Variants in DOCK10 observed in about 807,000 individuals in gnomAD.
The protein encoded by DOCK10 is dedicator of cytokinesis 10.
In DOCK10, 145 loss-of-function variants were observed where a neutral mutation model predicts 280.1. The ratio of observed to expected loss-of-function variants is 0.52; its 90% CI spans 0.45 to 0.59. The LOEUF (loss-of-function observed/expected upper bound fraction) is 0.59. DOCK10 is among the 20% of genes least tolerant of loss of function. The pLI is 0.00. For missense variants in DOCK10, 2,368 were observed against 2,651.7 expected, an observed-to-expected ratio of 0.89 and a Z score of 2.35; for synonymous variants, 915 against 942.2, an observed-to-expected ratio of 0.97 and a Z score of 0.53.
At chr2:224,938,010 A>C (rs1486134657) in intron 1 of DOCK10, among the ~76,000 whole-genome samples, 2 of 152,198 alleles carry the variant, frequency 1.3e-5, no homozygotes, top group South Asian at 4.1e-4. Context: ...TGAGGACCGC[A>C]TATCTGGTAT....
At chr2:224,985,482 G>C (rs965785311) in intron 1 of DOCK10, among the ~76,000 whole-genome samples, 1 of 151,938 alleles carries the variant, frequency 6.6e-6, no homozygotes, top group South Asian at 2.1e-4. Context: ...AGAGATAGCC[G>C]TGTTGTGTAG....
intron 1 of DOCK10, among the ~76,000 whole-genome samples, chr2:224,974,589 C>A (rs1291890987): frequency 1.3e-5 from 2 of 151,460 alleles, no homozygotes; most frequent in Non-Finnish European, 2.9e-5. Flanking sequence ...AGAAACAAAA[C>A]CCCAAACAAG....
At chr2:224,817,718 C>T (rs1424785655) in intron 29 of DOCK10, among the ~76,000 whole-genome samples, 1 of 152,060 alleles carries the variant, frequency 6.6e-6, no homozygotes, top group Admixed American at 6.6e-5. Flanking sequence ...GAAGAATATA[C>T]TTTCAAAAAA....
intron 1 of DOCK10, among the ~76,000 whole-genome samples, chr2:224,951,503 T>A (rs192520899): frequency 1.4e-3 from 212 of 152,308 alleles, no homozygotes; most frequent in African/African-American, 4.9e-3. Flanking sequence ...GTTTGGAAAT[T>A]AAGTAAGATG....
In DOCK10 at chr2:224,825,817, G is replaced by A. The variant is rs1694806520; in HGVS notation, c.3037-2170C>T. On this transcript the variant is annotated intron_variant, in intron 27 of 55. Coordinates refer to ENST00000258390, the MANE Select transcript of DOCK10 (RefSeq NM_014689.3). ...TTGTGAATTTTTTGTCTCAGGAGAT[G>A]AAGGGAGTGAGATGGTGGCACACTT... Among the ~76,000 whole-genome samples, 3 of 152,312 alleles carry A rather than the reference G, an allele frequency of 2.0e-5. No homozygotes were observed. In the South Asian group the frequency reaches 6.2e-4, roughly 32 times the overall value.
Position 224,805,154 on chromosome 2 carries a change from T to A in DOCK10, c.4052-30A>T, listed in dbSNP as rs747704317. 13 of 1,603,206 alleles carry A rather than the reference T, an allele frequency of 8.1e-6. No homozygotes were observed. In the South Asian group the frequency reaches 1.4e-4, roughly 17 times the overall value. ...AAGGAAACACCAGGTAGTATGAGAA[T>A]CTGAAGGTTTTCTTTTTCCTTTTTT... On this transcript the variant is annotated intron_variant, in intron 36 of 55. Coordinates refer to ENST00000258390, the MANE Select transcript of DOCK10 (RefSeq NM_014689.3). This position sits in a 1 kb window ranked among gnomAD's most constrained non-coding sequence, Gnocchi z 4.3.
Position 224,770,194 on chromosome 2 carries a change from C to T in DOCK10, c.6444+17G>A. On this transcript the variant is annotated intron_variant, in intron 55 of 55. Transcript: ENST00000258390. The surrounding 1 kb of genome is among the most constrained non-coding windows in gnomAD (Gnocchi z 4.5). Reference sequence around the variant, plus strand: ...TTTCTGTCCACTGATAGCGCGTGTGCACCAAGGAGCGCTCACCTGCTCATT... The same window carrying T: ...TTTCTGTCCACTGATAGCGCGTGTGTACCAAGGAGCGCTCACCTGCTCATT... 6.5e-7 allele frequency: 1 copy of T among 1,533,444 alleles called. No homozygotes were observed. Among genetic ancestry groups the T allele is most frequent in the East Asian group, 2.3e-5 (1 of 43,288 alleles). The allele number at this position is 1,533,444 out of a possible 1,614,324, so 95.0% of individuals were successfully genotyped here.
At chr2:225,041,748 C>T (rs1329133037) in intron 1 of DOCK10, among the ~76,000 whole-genome samples, 14 of 152,252 alleles carry the variant, frequency 9.2e-5, no homozygotes, top group African/African-American at 3.4e-4. Flanking sequence ...CGATAGTTAA[C>T]GTCGGGGGGC....
At chr2:224,911,010 G>GA (rs1407311578) in intron 3 of DOCK10, among the ~76,000 whole-genome samples, 3 of 151,020 alleles carry the variant, frequency 2.0e-5, no homozygotes, top group African/African-American at 2.4e-5. Context: ...ATACAGTTGA[G>GA]AAAAAATATG....
chr2:224,972,503 C>T (rs754150406), intron 1 of DOCK10, among the ~76,000 whole-genome samples: 19 of 152,232 alleles, frequency 1.2e-4, no homozygotes, highest in Non-Finnish European at 2.4e-4. Context: ...ATTTTGCATT[C>T]TTAAGTTTCT....
chr2:224,884,494 T>G (rs1699162795), intron 7 of DOCK10, among the ~76,000 whole-genome samples: 1 of 152,210 alleles, frequency 6.6e-6, no homozygotes. Flanking sequence ...CTCCCATGAT[T>G]ACATAAAAGG....
chr2:224,804,129 T>A lies in DOCK10; in HGVS notation c.4251A>T (p.Ser1417=), dbSNP rs373132469. The A allele has an allele frequency of 1.3e-5, 21 of 1,609,686 alleles. No individual in the cohort carries two copies. The Admixed American group carries it at 1.7e-4, about 13-fold the overall frequency. The change falls in exon 39 of 56, where the codon TCA becomes TCT. Residue 1417 remains serine (S), a synonymous_variant. Coordinates refer to ENST00000258390, the MANE Select transcript of DOCK10 (RefSeq NM_014689.3). The part of the protein sequence containing the change: ...LKGSNPSCQT[S]GLLSQWMHST... ...GACATTACCATTGTGACAAGAGACCTGATGTCTGGCAGGAAGGATTGGATC... is the reference window on the plus strand; with the variant it reads ...GACATTACCATTGTGACAAGAGACCAGATGTCTGGCAGGAAGGATTGGATC...
At chr2:224,824,918 T>C (rs1216544099) in intron 27 of DOCK10, among the ~76,000 whole-genome samples, 4 of 151,826 alleles carry the variant, frequency 2.6e-5, no homozygotes, top group Non-Finnish European at 4.4e-5. Flanking sequence ...ACAGGAGTTG[T>C]ATGAAACAGA....
intron 50 of DOCK10, among the ~76,000 whole-genome samples, chr2:224,778,751 G>C (rs1010407434): frequency 2.0e-5 from 3 of 152,120 alleles, no homozygotes; most frequent in Non-Finnish European, 4.4e-5. Context: ...ATTTAAATGG[G>C]CTGACGTGCA....
At chr2:224,881,026 G>A (rs1232004026) in intron 7 of DOCK10, among the ~76,000 whole-genome samples, 1 of 152,148 alleles carries the variant, frequency 6.6e-6, no homozygotes, top group Admixed American at 6.5e-5. Context: ...AAAAATTCAA[G>A]TAAAGTGCTT....
intron 1 of DOCK10, among the ~76,000 whole-genome samples, chr2:225,004,268 G>T (rs1012833810): frequency 1.3e-5 from 2 of 152,226 alleles, no homozygotes; most frequent in African/African-American, 4.8e-5. Flanking sequence ...CAGAGGAAAA[G>T]ACACAGAGAG....
chr2:225,026,107 G>A (rs954486941), intron 1 of DOCK10, among the ~76,000 whole-genome samples: 1 of 152,066 alleles, frequency 6.6e-6, no homozygotes, highest in Non-Finnish European at 1.5e-5. Flanking sequence ...AGTGTCCTCT[G>A]GGTAGCTGGT....
chr2:224,924,402 T>G (rs1701945388), intron 2 of DOCK10, among the ~76,000 whole-genome samples: 1 of 152,144 alleles, frequency 6.6e-6, no homozygotes, highest in Non-Finnish European at 1.5e-5. Context: ...ATCTCCTTTC[T>G]CTCTCTATGG....
intron 1 of DOCK10, among the ~76,000 whole-genome samples, chr2:225,015,966 G>A (rs542958768): frequency 6.6e-6 from 1 of 152,018 alleles, no homozygotes; most frequent in South Asian, 2.1e-4. Context: ...ATTTTAGCTG[G>A]AAATTTCATT....
Sources: allele counts gnomAD v4.1 joint callset (sites outside exome capture counted in the v4.1 genomes callset), GRCh38; gene constraint gnomAD v4.1.1; non-coding constraint Gnocchi (gnomAD v3.1); transcripts MANE v1.5; gene names NCBI Gene and HGNC (gene_info 2026-07-23, HGNC 2026-07-21).